The following SORCS3 variants were observed in gnomAD, a reference collection of about 807,000 sequenced individuals.
SORCS3 encodes sortilin related VPS10 domain containing receptor 3, also known as VPS10 domain-containing receptor SorCS3.
A neutral mutation model predicts 146.3 loss-of-function variants in SORCS3; 57 were observed. The ratio of observed to expected loss-of-function variants is 0.39; its 90% confidence interval spans 0.31 to 0.49. The LOEUF (loss-of-function observed/expected upper bound fraction) is 0.49. SORCS3 is among the 20% of genes least tolerant of loss of function. The pLI is 0.92. For synonymous variants in SORCS3, 653 were observed against 618.5 expected (o/e 1.06, Z -0.83); for missense variants, 1,341 against 1,575.5 (o/e 0.85, Z 2.52).
rs1479105109 is a variant in SORCS3 at position 104,799,440 on chromosome 10, A to C, written c.628-43352A>C. Among the ~76,000 whole-genome samples the C allele has an allele frequency of 2.0e-5, 3 of 152,170 alleles. No individual in the cohort carries two copies. The East Asian group carries it at 5.8e-4, about 29-fold the overall frequency. On this transcript the variant is annotated intron_variant, in intron 1 of 26. Transcript: ENST00000369701. ...ACCATCAGTCTCAGCAAGCTATCAC[A>C]AGATCAGAAAAGCAAACACCACATG...
intron 1 of SORCS3, among the ~76,000 whole-genome samples, chr10:104,817,397 T>C (rs1245142782): frequency 3.3e-5 from 2 of 61,502 alleles, no homozygotes; most frequent in Admixed American, 2.2e-4. Context: ...TCCTCCTCCT[T>C]CCCCCTCCTC....
At chr10:104,690,636 T>A (rs1052757525) in intron 1 of SORCS3, among the ~76,000 whole-genome samples, 1 of 152,212 alleles carries the variant, frequency 6.6e-6, no homozygotes, top group African/African-American at 2.4e-5. Flanking sequence ...TTATATTCAC[T>A]GTACAAACAG....
At chr10:105,082,443 C>T (rs909986738) in intron 5 of SORCS3, among the ~76,000 whole-genome samples, 17 of 152,128 alleles carry the variant, frequency 1.1e-4, no homozygotes, top group Non-Finnish European at 1.9e-4. Flanking sequence ...TAAAATGTAA[C>T]GACTGCATTA....
At chr10:104,921,957 T>G (rs1473779422) in intron 3 of SORCS3, among the ~76,000 whole-genome samples, 1 of 152,142 alleles carries the variant, frequency 6.6e-6, no homozygotes, top group Non-Finnish European at 1.5e-5. Context: ...GATTTACCAG[T>G]GAGAAGGATA....
intron 2 of SORCS3, among the ~76,000 whole-genome samples, chr10:104,911,923 C>T (rs2018973050): frequency 6.6e-6 from 1 of 152,166 alleles, no homozygotes; most frequent in Admixed American, 6.5e-5. Flanking sequence ...ATCACCCTGG[C>T]CTGCATTCAG....
intron 4 of SORCS3, among the ~76,000 whole-genome samples, chr10:105,029,487 A>G (rs577677147): frequency 6.6e-6 from 1 of 152,218 alleles, no homozygotes; most frequent in Non-Finnish European, 1.5e-5. Flanking sequence ...CTTTCAGGAA[A>G]TACAGTCCAG....
intron 8 of SORCS3, among the ~76,000 whole-genome samples, chr10:105,146,350 G>A (rs1347468638): frequency 6.6e-6 from 1 of 151,926 alleles, no homozygotes; most frequent in East Asian, 1.9e-4. Flanking sequence ...GACAGAGCAA[G>A]ACCCTGTCTT....
intron 22 of SORCS3, among the ~76,000 whole-genome samples, chr10:105,249,081 A>T (rs912350696): frequency 1.3e-4 from 20 of 152,214 alleles, no homozygotes; most frequent in Non-Finnish European, 2.9e-4. Context: ...GGCTACTTAA[A>T]AAATTGAACA....
chr10:104,857,342 T>G lies in SORCS3; in HGVS notation c.695+14483T>G, dbSNP rs1310959741. Among the ~76,000 whole-genome samples the G allele has an allele frequency of 2.0e-5, 3 of 152,088 alleles. No homozygotes were observed. The East Asian group carries it at 5.8e-4, about 29-fold the overall frequency. On this transcript the variant is annotated intron_variant, in intron 2 of 26. Transcript: ENST00000369701. ...AAGGAGTAAAGGTTGTAAACAGATATTATAGAATAATTGCTGTGTTTTAGC... is the reference window on the plus strand; with the variant it reads ...AAGGAGTAAAGGTTGTAAACAGATAGTATAGAATAATTGCTGTGTTTTAGC...
At chr10:104,704,060 C>T (rs1652787153) in intron 1 of SORCS3, among the ~76,000 whole-genome samples, 1 of 152,082 alleles carries the variant, frequency 6.6e-6, no homozygotes, top group Admixed American at 6.5e-5. Context: ...GTAAATATCA[C>T]TGAACAGGAG....
At chr10:104,843,946 T>C (rs1000041797) in intron 2 of SORCS3, among the ~76,000 whole-genome samples, 1 of 152,202 alleles carries the variant, frequency 6.6e-6, no homozygotes, top group Non-Finnish European at 1.5e-5. Flanking sequence ...TACTAAGTCC[T>C]GACCTGAGGG....
intron 26 of SORCS3, among the ~76,000 whole-genome samples, chr10:105,263,100 C>T (rs1312438088): frequency 3.3e-5 from 5 of 152,202 alleles, no homozygotes; most frequent in South Asian, 2.1e-4. Context: ...ATGTCTTGAT[C>T]CCACCTGTGG....
intron 4 of SORCS3, among the ~76,000 whole-genome samples, chr10:105,014,938 A>G (rs2055156772): frequency 6.6e-6 from 1 of 152,204 alleles, no homozygotes; most frequent in Non-Finnish European, 1.5e-5. Flanking sequence ...AACTGTGAGA[A>G]GTAAATCTCT....
chr10:105,115,890 A>G (rs2055890548), intron 7 of SORCS3, among the ~76,000 whole-genome samples: 1 of 152,226 alleles, frequency 6.6e-6, no homozygotes, highest in Non-Finnish European at 1.5e-5. Context: ...CAATTACATC[A>G]TTAGGGACAC....
intron 12 of SORCS3, among the ~76,000 whole-genome samples, chr10:105,164,771 A>G (rs186547429): frequency 2.0e-5 from 3 of 152,302 alleles, no homozygotes; most frequent in Admixed American, 2.0e-4. Context: ...TACAAAATGC[A>G]AGGATTGGAA....
intron 7 of SORCS3, among the ~76,000 whole-genome samples, chr10:105,116,393 A>G (rs943848686): frequency 2.6e-5 from 4 of 152,224 alleles, no homozygotes; most frequent in Admixed American, 1.3e-4. Context: ...ATCTGGGACA[A>G]CTTCAGCAAC....
intron 13 of SORCS3, among the ~76,000 whole-genome samples, chr10:105,174,728 T>C (rs75964644): frequency 0.022 from 3,370 of 152,182 alleles, 131 homozygotes; most frequent in African/African-American, 0.074. Flanking sequence ...TCATCCTTCC[T>C]TTAGGTATCT....
chr10:105,234,991 G>A (rs2056785110), intron 20 of SORCS3, among the ~76,000 whole-genome samples: 2 of 152,038 alleles, frequency 1.3e-5, no homozygotes, highest in Admixed American at 1.3e-4. Flanking sequence ...TAATGTGATG[G>A]TAAGCTATGG....
chr10:105,006,005 C>T (rs775741128), intron 4 of SORCS3, among the ~76,000 whole-genome samples: 2 of 152,134 alleles, frequency 1.3e-5, no homozygotes, highest in Non-Finnish European at 2.9e-5. Flanking sequence ...AGTGCAGTGG[C>T]GCCATCTCGG....
Sources: gnomAD v4.1 joint callset for allele counts (sites outside exome capture counted in the v4.1 genomes callset) on GRCh38, gnomAD v4.1.1 for gene constraint, MANE v1.5 for transcripts, NCBI Gene and HGNC (gene_info 2026-07-23, HGNC 2026-07-21) for gene names.